Variants in ARHGAP17 observed in about 807,000 individuals in gnomAD.
ARHGAP17 encodes the protein rho GTPase-activating protein 17.
A neutral mutation model predicts 99.5 loss-of-function variants in ARHGAP17; 57 were observed. That is an observed-to-expected ratio of 0.57 (90% CI 0.46 to 0.71). ARHGAP17 has a LOEUF of 0.71. Among genes scored for constraint, ARHGAP17 ranks in the 30% least tolerant of loss-of-function variants. The pLI, the probability that ARHGAP17 is intolerant of heterozygous loss-of-function variation, is 0.00. For missense variants in ARHGAP17, 1,000 were observed against 1,122.4 expected (o/e 0.89, Z 1.56); for synonymous variants, 417 against 429.6 (o/e 0.97, Z 0.36).
rs745544954 is a variant in ARHGAP17, at chr16:24,926,134, AAAGAG to A, written c.2515+4645_2515+4649del. On this transcript the variant is annotated intron_variant, in intron 19 of 19. Coordinates refer to ENST00000289968, the MANE Select transcript of ARHGAP17 (RefSeq NM_001006634.3). The stretch of plus-strand genomic sequence containing the variant: ...GAAAAAAAAAAAAGAAAAGAAAAGA[AAAGAG>A]AAGAGAAGAGAAGAGAAGAGGAGAA... Among the ~76,000 whole-genome samples, 251 of 151,120 alleles carry A rather than the reference AAAGAG, an allele frequency of 1.7e-3. 1 individual carries two copies. The highest frequency in any genetic ancestry group is 5.6e-3 in the East Asian group (29 of 5,138).
chr16:24,946,065 C>G (rs1002311457), intron 14 of ARHGAP17, among the ~76,000 whole-genome samples: 27 of 152,188 alleles, frequency 1.8e-4, no homozygotes, highest in African/African-American at 6.5e-4. Flanking sequence ...GAGATCATCA[C>G]AATGCCATCC....
At chr16:24,945,682 GA>G (rs1282570042) in intron 14 of ARHGAP17, among the ~76,000 whole-genome samples, 1 of 152,134 alleles carries the variant, frequency 6.6e-6, no homozygotes, top group Admixed American at 6.5e-5. Flanking sequence ...GCTTAAAATT[GA>G]AGCTCTGCCT....
At chr16:24,998,379 C>G (rs1298605788) in intron 1 of ARHGAP17, among the ~76,000 whole-genome samples, 1 of 151,950 alleles carries the variant, frequency 6.6e-6, no homozygotes, top group Non-Finnish European at 1.5e-5. Flanking sequence ...GCGCCCAGGA[C>G]AGCGGCACAG....
chr16:25,012,590 A>G (rs1390680275), intron 1 of ARHGAP17, among the ~76,000 whole-genome samples: 1 of 152,090 alleles, frequency 6.6e-6, no homozygotes, highest in Non-Finnish European at 1.5e-5. Flanking sequence ...CCAACCACCT[A>G]CTTCCAAGCA....
intron 1 of ARHGAP17, among the ~76,000 whole-genome samples, chr16:25,010,918 T>C (rs1051907170): frequency 1.3e-5 from 2 of 152,204 alleles, no homozygotes; most frequent in East Asian, 1.9e-4. Context: ...TGTGAAAGCA[T>C]TCAGACCTCC....
At chr16:24,975,128 G>C (rs1029784728) in intron 3 of ARHGAP17, among the ~76,000 whole-genome samples, 3 of 152,198 alleles carry the variant, frequency 2.0e-5, no homozygotes, top group Admixed American at 2.0e-4. Flanking sequence ...ACTCCAGCAC[G>C]GACAACAGAG....
intron 9 of ARHGAP17, chr16:24,954,931 T>C: frequency 1.5e-6 from 1 of 682,942 alleles, no homozygotes; most frequent in Non-Finnish European, 2.3e-6. Context: ...CGGTTACTTG[T>C]GGAACAGAAG....
intron 1 of ARHGAP17, among the ~76,000 whole-genome samples, chr16:25,005,832 T>C (rs2053490856): frequency 2.6e-5 from 4 of 152,230 alleles, no homozygotes. Context: ...GATGGTGAAA[T>C]GTGATATTCA....
intron 2 of ARHGAP17, among the ~76,000 whole-genome samples, 159 bp downstream of exon 2, chr16:24,978,807 A>G (rs1244048432): frequency 8.8e-6 from 1 of 113,310 alleles, no homozygotes; most frequent in Non-Finnish European, 1.8e-5. Context: ...TCATCATGCA[A>G]CAAAACTGTT....
chr16:24,960,406 G>A (rs559939265), intron 7 of ARHGAP17, among the ~76,000 whole-genome samples: 5 of 152,146 alleles, frequency 3.3e-5, no homozygotes, highest in African/African-American at 4.8e-5. Context: ...TTAGCCAGGC[G>A]TGGGGGCGGG....
chr16:24,935,568 G>C lies in ARHGAP17; in HGVS notation c.1796C>G (p.Ser599Cys), dbSNP rs747814521. 1.2e-6 allele frequency: 2 copies of C among 1,614,184 alleles called. No homozygotes were observed. The highest frequency in any genetic ancestry group is 8.5e-7 in the Non-Finnish European group (1 of 1,180,050). Residue 599 changes from serine (S) to cysteine (C), a missense_variant, in exon 18 of 20, where the codon TCT (serine) becomes TGT (cysteine). Ser to Cys is a moderately radical substitution (Grantham distance 112). Coordinates refer to ENST00000289968, the MANE Select transcript of ARHGAP17 (RefSeq NM_001006634.3). ...APGRNNSQIA[S>C]GQNQPQAAAG... ...AGCTGCCTGGGGCTGATTTTGGCCA[G>C]ATGCTATCTGACTGTTGTTTCTCCC...
chr16:24,999,184 C>T (rs1236247692), intron 1 of ARHGAP17, among the ~76,000 whole-genome samples: 3 of 152,170 alleles, frequency 2.0e-5, no homozygotes, highest in Admixed American at 6.5e-5. Context: ...TCACAGATTT[C>T]CTGGTCATCG....
At chr16:24,987,248 AT>A (rs1356092212) in intron 1 of ARHGAP17, among the ~76,000 whole-genome samples, 1 of 152,198 alleles carries the variant, frequency 6.6e-6, no homozygotes, top group East Asian at 1.9e-4. Flanking sequence ...GGACACTGAA[AT>A]GTGAATTTTG....
chr16:24,931,411 A>G lies in ARHGAP17; in HGVS notation c.1895-7T>C. ...GGAGCGGGTTTTTTAACAGCTGCAC[A>G]AAAAGAGAAAAAACACCTTTCAGTA... On this transcript the variant is annotated splice_region_variant and splice_polypyrimidine_tract_variant and intron_variant, in intron 18 of 19. Coordinates refer to ENST00000289968, the MANE Select transcript of ARHGAP17 (RefSeq NM_001006634.3). The G allele has an allele frequency of 6.7e-7, 1 of 1,502,534 alleles. No homozygotes were observed. 93.1% of individuals were successfully genotyped at this position (1,502,534 alleles called of 1,614,324 possible).
chr16:24,991,522 G>A (rs1202246232), intron 1 of ARHGAP17, among the ~76,000 whole-genome samples: 1 of 152,184 alleles, frequency 6.6e-6, no homozygotes, highest in Non-Finnish European at 1.5e-5. Context: ...AGCGCAGGAC[G>A]TTCAATTAAA....
intron 3 of ARHGAP17, among the ~76,000 whole-genome samples, chr16:24,976,505 G>C (rs559357631): frequency 2.4e-4 from 36 of 151,920 alleles, no homozygotes; most frequent in Non-Finnish European, 5.9e-5. Flanking sequence ...CTACAGCCTG[G>C]GTCATGGAGT....
At chr16:24,959,587 T>G in intron 9 of ARHGAP17, 84 bp downstream of exon 9, 1 of 1,327,820 alleles carries the variant, frequency 7.5e-7, no homozygotes, top group Non-Finnish European at 1.1e-6. Context: ...AGGACGTGCA[T>G]GCAGAGGAGT....
intron 1 of ARHGAP17, among the ~76,000 whole-genome samples, chr16:25,003,680 C>T (rs1019806444): frequency 3.3e-5 from 5 of 151,434 alleles, no homozygotes; most frequent in East Asian, 2.0e-4. Context: ...AAAAATTAGC[C>T]GGGAGTGGTA....
At chr16:24,926,129 AAAGAAAAGAGAAGAG>A (rs1199776112) in intron 19 of ARHGAP17, among the ~76,000 whole-genome samples, 1 of 151,680 alleles carries the variant, frequency 6.6e-6, no homozygotes, top group African/African-American at 2.4e-5. Flanking sequence ...AAAGAAAAGA[AAAGAAAAGAGAAGAG>A]AAGAGAAGAG....
Sources: allele counts gnomAD v4.1 joint callset (sites outside exome capture counted in the v4.1 genomes callset), GRCh38; gene constraint gnomAD v4.1.1; transcripts MANE v1.5; gene names NCBI Gene and HGNC (gene_info 2026-07-23, HGNC 2026-07-21).